The following RBFOX3 variants were observed in gnomAD, a reference collection of about 807,000 sequenced individuals.
RBFOX3 encodes the protein RNA binding protein fox-1 homolog 3.
In RBFOX3, 17 loss-of-function variants were observed where a neutral mutation model predicts 48.7. The ratio of observed to expected loss-of-function variants is 0.35; its 90% CI spans 0.24 to 0.52. The LOEUF (loss-of-function observed/expected upper bound fraction) is 0.52. Ranked by LOEUF, RBFOX3 falls within the 20% of genes least tolerant of loss-of-function variation. The pLI is 0.94. For synonymous variants in RBFOX3, 212 were observed against 209.5 expected (o/e 1.01, Z -0.10); for missense variants, 382 against 497.5 (o/e 0.77, Z 2.21).
the RBFOX3 span, among the ~76,000 whole-genome samples, chr17:79,624,969 CAT>C: frequency 6.6e-6 from 1 of 152,108 alleles, no homozygotes; most frequent in African/African-American, 2.4e-5. Flanking sequence ...GGGAAGGCAG[CAT>C]GTGTGTGTGT....
chr17:79,503,059 G>C (rs1246685674), intron 1 of RBFOX3, among the ~76,000 whole-genome samples: 1 of 152,290 alleles, frequency 6.6e-6, no homozygotes, highest in South Asian at 2.1e-4. Context: ...GGGCTTTTCC[G>C]TGCTTACAGA....
intron 2 of RBFOX3, among the ~76,000 whole-genome samples, chr17:79,355,360 C>T (rs1417890142): frequency 6.6e-6 from 1 of 152,174 alleles, no homozygotes; most frequent in African/African-American, 2.4e-5. Context: ...GGGCACAACT[C>T]CATTGACTTT....
At chr17:79,232,230 C>A (rs757451934) in intron 4 of RBFOX3, among the ~76,000 whole-genome samples, 1 of 152,118 alleles carries the variant, frequency 6.6e-6, no homozygotes, top group African/African-American at 2.4e-5. Context: ...AATTCAATCC[C>A]GATCAAAATC....
intron 2 of RBFOX3, among the ~76,000 whole-genome samples, chr17:79,322,812 G>C (rs2078738644): frequency 6.6e-6 from 1 of 152,220 alleles, no homozygotes; most frequent in African/African-American, 2.4e-5. Context: ...TGTTCAGTGA[G>C]CTGACCGGCA....
At position 79,477,410 on chromosome 17, in the gene RBFOX3, G is replaced by T. The variant is rs1399834815; in HGVS notation, c.-175+5044C>A. 7.2e-5 allele frequency among the ~76,000 whole-genome samples: 11 copies of T among 151,882 alleles called. No individual in the cohort carries two copies. Among genetic ancestry groups the T allele is most frequent in the Non-Finnish European group, 1.6e-4 (11 of 67,982 alleles). Reference sequence around the variant, plus strand: ...TCTCTACTAAAAATACAAAACATTAGCCAGACGTGGTGGCGGGCGCCTGTA... The same window carrying T: ...TCTCTACTAAAAATACAAAACATTATCCAGACGTGGTGGCGGGCGCCTGTA... On this transcript the variant is annotated intron_variant, in intron 2 of 14. Transcript: ENST00000693108. The surrounding 1 kb of genome is among the most constrained non-coding windows in gnomAD (Gnocchi z 4.8).
chr17:79,409,083 G>A (rs138494170), intron 2 of RBFOX3, among the ~76,000 whole-genome samples: 2 of 152,120 alleles, frequency 1.3e-5, no homozygotes, highest in Admixed American at 1.3e-4. Context: ...TCATATAAAT[G>A]GAATCATACA....
chr17:79,250,358 C>T (rs2063756531), intron 3 of RBFOX3, among the ~76,000 whole-genome samples: 1 of 152,326 alleles, frequency 6.6e-6, no homozygotes, highest in Non-Finnish European at 1.5e-5. Context: ...TCTGTTCATG[C>T]AGAAGGTCTT....
chr17:79,475,713 T>C (rs1221304446), intron 2 of RBFOX3, among the ~76,000 whole-genome samples: 12 of 151,986 alleles, frequency 7.9e-5, no homozygotes, highest in Admixed American at 7.9e-4. Context: ...CACAGGAAGG[T>C]CGTGCGCGAC....
intron 2 of RBFOX3, among the ~76,000 whole-genome samples, chr17:79,385,421 T>A (rs1374600793): frequency 6.6e-6 from 1 of 152,068 alleles, no homozygotes; most frequent in Non-Finnish European, 1.5e-5. Context: ...CCATCATCCA[T>A]CGAGGGTGCA....
chr17:79,108,319 C>T (rs1445939413), intron 5 of RBFOX3, among the ~76,000 whole-genome samples: 2 of 152,222 alleles, frequency 1.3e-5, no homozygotes, highest in East Asian at 3.9e-4. Context: ...CATGGTCTCC[C>T]GTGTGGCCTG....
intron 3 of RBFOX3, among the ~76,000 whole-genome samples, chr17:79,262,366 C>G (rs546512406): frequency 3.2e-4 from 49 of 152,376 alleles, no homozygotes; most frequent in African/African-American, 1.1e-3. Context: ...CATGACCCTG[C>G]GCAAGCAGAT....
intron 4 of RBFOX3, among the ~76,000 whole-genome samples, chr17:79,143,322 C>T (rs956429321): frequency 1.6e-5 from 2 of 128,906 alleles, no homozygotes; most frequent in African/African-American, 5.9e-5. Context: ...CCTGGGGGAC[C>T]TGGATATTCT....
intron 2 of RBFOX3, among the ~76,000 whole-genome samples, chr17:79,351,205 G>C (rs937000033): frequency 1.3e-5 from 2 of 152,186 alleles, no homozygotes; most frequent in African/African-American, 4.8e-5. Flanking sequence ...TGCTGTGAAC[G>C]ATGCTGCTAT....
intron 4 of RBFOX3, among the ~76,000 whole-genome samples, chr17:79,142,073 T>A (rs1599641171): frequency 6.6e-6 from 1 of 152,240 alleles, no homozygotes; most frequent in African/African-American, 2.4e-5. Context: ...CCTTTTACGA[T>A]GCTTTGAAAC....
rs931689872 is a variant in RBFOX3 at position 79,511,912 on chromosome 17, G to A, written c.-319-29314C>T. The stretch of plus-strand genomic sequence containing the variant: ...ATCGGGTACAGCCCCATGGCCAGGG[G>A]ACACCCACCCGGATACGTGTTACCA... On this transcript the variant is annotated intron_variant, in intron 1 of 14. Transcript: ENST00000693108. 7.9e-4 allele frequency among the ~76,000 whole-genome samples: 113 copies of A among 142,546 alleles called. 1 individual carries two copies. The South Asian group carries it at 0.013, about 17-fold the overall frequency. The allele number at this position is 142,546 out of a possible 152,430, so 93.5% of individuals were successfully genotyped here.
At chr17:79,557,983 C>T (rs1174732412) in intron 1 of RBFOX3, among the ~76,000 whole-genome samples, 1 of 152,114 alleles carries the variant, frequency 6.6e-6, no homozygotes, top group East Asian at 1.9e-4. Flanking sequence ...TGAGATTCAG[C>T]TTGAAGAAAA....
At chr17:79,573,644 A>T (rs892861399) in intron 1 of RBFOX3, among the ~76,000 whole-genome samples, 2 of 151,970 alleles carry the variant, frequency 1.3e-5, no homozygotes, top group Admixed American at 6.6e-5. Context: ...GCTGCTGAGA[A>T]CCTCATCTGG....
At chr17:79,292,606 A>G (rs771480301) in intron 3 of RBFOX3, among the ~76,000 whole-genome samples, 152 of 76,990 alleles carry the variant, frequency 2.0e-3, no homozygotes, top group Admixed American at 3.8e-3. Flanking sequence ...ACACGCACAC[A>G]CACACACACA....
chr17:79,164,798 C>T (rs927168683), intron 4 of RBFOX3, among the ~76,000 whole-genome samples: 2 of 152,134 alleles, frequency 1.3e-5, no homozygotes, highest in African/African-American at 4.8e-5. Context: ...GCCTGGGCAG[C>T]GGGCTGGGAG....
Sources: gnomAD v4.1 joint callset for allele counts (sites outside exome capture counted in the v4.1 genomes callset) on GRCh38, gnomAD v4.1.1 for gene constraint, Gnocchi (gnomAD v3.1) non-coding constraint, MANE v1.5 for transcripts, NCBI Gene and HGNC (gene_info 2026-07-23, HGNC 2026-07-21) for gene names.